LARGE1: variants seen among roughly 807,000 people sequenced by gnomAD.
LARGE1 encodes the protein LARGE xylosyl- and glucuronyltransferase 1, also known as xylosyl- and glucuronyltransferase LARGE1.
A neutral mutation model predicts 87.6 loss-of-function variants in LARGE1; 43 were observed. That is an observed-to-expected ratio of 0.49 (90% CI 0.38 to 0.63). LARGE1 has a LOEUF of 0.63. Among genes scored for constraint, LARGE1 ranks in the 30% least tolerant of loss-of-function variants. The probability of loss-of-function intolerance (pLI) is 0.00; values close to 1 mark genes in which losing one functional copy is unlikely to be tolerated. For synonymous variants in LARGE1, 434 were observed against 394.6 expected (o/e 1.10, Z -1.18); for missense variants, 802 against 1,000.2 (o/e 0.80, Z 2.67).
intron 9 of LARGE1, among the ~76,000 whole-genome samples, chr22:33,373,429 T>C (rs527975422): frequency 3.3e-5 from 5 of 152,316 alleles, no homozygotes; most frequent in African/African-American, 1.2e-4. Flanking sequence ...AATGCTGTCT[T>C]CTTCATTTAG....
At chr22:33,835,418 A>G (rs769420098) in intron 1 of LARGE1, among the ~76,000 whole-genome samples, 10 of 152,122 alleles carry the variant, frequency 6.6e-5, no homozygotes, top group Non-Finnish European at 8.8e-5. Flanking sequence ...TAGTTCTATA[A>G]CCCTCCAAGA....
At chr22:33,546,974 G>A (rs766997943) in intron 6 of LARGE1, among the ~76,000 whole-genome samples, 1 of 152,226 alleles carries the variant, frequency 6.6e-6, no homozygotes, top group African/African-American at 2.4e-5. Context: ...ACTCGTAATA[G>A]TGGAGATGGT....
chr22:33,719,667 C>A (rs2083029243), intron 2 of LARGE1, among the ~76,000 whole-genome samples: 1 of 151,960 alleles, frequency 6.6e-6, no homozygotes, highest in Non-Finnish European at 1.5e-5. Flanking sequence ...ACTACAGGTG[C>A]CCACCACAAC....
chr22:33,637,593 G>A (rs2080306391), intron 3 of LARGE1, among the ~76,000 whole-genome samples: 1 of 92,938 alleles, frequency 1.1e-5, no homozygotes, highest in South Asian at 3.5e-4. Flanking sequence ...AGTCGTTGTA[G>A]CTTTTTACTT....
intron 9 of LARGE1, among the ~76,000 whole-genome samples, chr22:33,355,491 C>G (rs1185118604): frequency 6.6e-6 from 1 of 152,146 alleles, no homozygotes; most frequent in Non-Finnish European, 1.5e-5. Context: ...AAATGTACAC[C>G]TGGATATGCT....
rs1479546570 is a variant in LARGE1 at position 33,612,768 on chromosome 22, C to T, written c.492-8210G>A. Among the ~76,000 whole-genome samples, 3 of 152,284 alleles carry T rather than the reference C, an allele frequency of 2.0e-5. No homozygotes were observed. In the East Asian group the frequency reaches 5.8e-4, roughly 29 times the overall value. On this transcript the variant is annotated intron_variant, in intron 4 of 14. Transcript: ENST00000397394. Reference sequence around the variant, plus strand: ...AACTTCATTCTCTAAGAGAAACAGCCAGACAAGGTTTGGAGGCTCAGCAGG... The same window carrying T: ...AACTTCATTCTCTAAGAGAAACAGCTAGACAAGGTTTGGAGGCTCAGCAGG...
At position 33,247,167 on chromosome 22, in the gene LARGE1, TA is replaced by T. The variant is rs200172987; in HGVS notation, c.1730+57061del. On this transcript the variant is annotated intron_variant, in intron 11 of 11. Transcript: ENST00000608642. The stretch of plus-strand genomic sequence containing the variant: ...TTTAAAGTTGCACAGAGTGATTCAT[TA>T]AAAAAAAACAAAACCAAAATGTTCT... Among the ~76,000 whole-genome samples, 6 of 148,874 alleles carry T rather than the reference TA, an allele frequency of 4.0e-5. 1 individual carries two copies. The highest frequency in any genetic ancestry group is 6.0e-5 in the Non-Finnish European group (4 of 67,066).
the LARGE1 span, among the ~76,000 whole-genome samples, chr22:33,071,761 A>G: frequency 3.0e-4 from 45 of 152,206 alleles, no homozygotes; most frequent in Non-Finnish European, 7.3e-5. Context: ...ATGAATCTGT[A>G]CTGGAAACTA....
At chr22:33,779,716 G>A (rs1273799173) in intron 1 of LARGE1, among the ~76,000 whole-genome samples, 2 of 152,100 alleles carry the variant, frequency 1.3e-5, no homozygotes, top group African/African-American at 4.8e-5. Flanking sequence ...AACCCGGGAG[G>A]CGGAGGTTGC....
intron 1 of LARGE1, among the ~76,000 whole-genome samples, chr22:33,867,574 G>A (rs558076189): frequency 2.6e-5 from 4 of 152,276 alleles, no homozygotes; most frequent in African/African-American, 9.6e-5. Flanking sequence ...GTGGCACTAT[G>A]CTGCCTGCGT....
chr22:33,895,838 G>A (rs1276367988), intron 1 of LARGE1, among the ~76,000 whole-genome samples: 1 of 152,130 alleles, frequency 6.6e-6, no homozygotes, highest in African/African-American at 2.4e-5. Flanking sequence ...CAAGTGAAAG[G>A]GACCACACAA....
At chr22:33,891,613 T>C (rs2065009012) in intron 1 of LARGE1, among the ~76,000 whole-genome samples, 1 of 152,178 alleles carries the variant, frequency 6.6e-6, no homozygotes, top group Non-Finnish European at 1.5e-5. Flanking sequence ...ACTCTTCAGA[T>C]CATGAGGAGG....
intron 6 of LARGE1, among the ~76,000 whole-genome samples, chr22:33,547,227 G>T (rs571031079): frequency 1.3e-5 from 2 of 151,634 alleles, no homozygotes; most frequent in African/African-American, 2.4e-5. Flanking sequence ...GAAGGGTGGT[G>T]GGGGGGAGGG....
chr22:33,653,338 G>C (rs2080873940), intron 2 of LARGE1, among the ~76,000 whole-genome samples: 1 of 152,192 alleles, frequency 6.6e-6, no homozygotes, highest in Admixed American at 6.5e-5. Flanking sequence ...CTGTAAACAA[G>C]GTCTCCTGGA....
At chr22:33,369,404 C>T (rs1458147752) in intron 9 of LARGE1, among the ~76,000 whole-genome samples, 3 of 152,150 alleles carry the variant, frequency 2.0e-5, no homozygotes, top group African/African-American at 7.2e-5. Context: ...TTTGGATCAA[C>T]AGCCACAACA....
At chr22:33,176,584 A>G (rs1050008030) in intron 11 of LARGE1, among the ~76,000 whole-genome samples, 2 of 152,194 alleles carry the variant, frequency 1.3e-5, no homozygotes, top group Non-Finnish European at 2.9e-5. Flanking sequence ...CATTAGAGAA[A>G]TGCAAATCAA....
At chr22:33,606,697 A>C (rs1027491985) in intron 4 of LARGE1, among the ~76,000 whole-genome samples, 5 of 152,120 alleles carry the variant, frequency 3.3e-5, no homozygotes, top group Non-Finnish European at 1.5e-5. Flanking sequence ...CCTATTTGTC[A>C]GGGGATGAGC....
chr22:33,442,759 G>T (rs1325656058), intron 6 of LARGE1, among the ~76,000 whole-genome samples: 1 of 150,072 alleles, frequency 6.7e-6, no homozygotes, highest in Non-Finnish European at 1.5e-5. Flanking sequence ...GCTCCCTCTA[G>T]TTAGTACTTG....
chr22:33,624,458 T>C (rs1291567504), intron 4 of LARGE1, among the ~76,000 whole-genome samples: 1 of 152,016 alleles, frequency 6.6e-6, no homozygotes, highest in African/African-American at 2.4e-5. Flanking sequence ...AAAAGATGCT[T>C]ATGTAAAGTC....
Sources: gnomAD v4.1 joint callset for allele counts (sites outside exome capture counted in the v4.1 genomes callset) on GRCh38, gnomAD v4.1.1 for gene constraint, MANE v1.5 for transcripts, NCBI Gene and HGNC (gene_info 2026-07-23, HGNC 2026-07-21) for gene names.